Variants in CFAP410 observed in about 807,000 individuals in gnomAD.
CFAP410 encodes the protein cilia- and flagella-associated protein 410.
CFAP410 carries 27 observed loss-of-function variants against 25.7 expected under a neutral mutation model. The ratio of observed to expected loss-of-function variants is 1.05; its 90% CI spans 0.77 to 1.45. The LOEUF is 1.45. CFAP410 is among the 40% of genes most tolerant of loss of function. CFAP410 has a pLI of 0.00. For synonymous variants in CFAP410, 178 were observed against 158.4 expected (o/e 1.12, Z -0.93); for missense variants, 428 against 354.1 (o/e 1.21, Z -1.67).
rs568449502 is a variant in CFAP410 at position 44,336,563 on chromosome 21, C to T, written c.97-759G>A. 1.6e-4 allele frequency among the ~76,000 whole-genome samples: 24 copies of T among 152,252 alleles called. No homozygotes were observed. In the South Asian group the frequency reaches 3.1e-3, roughly 20 times the overall value. On this transcript the variant is annotated intron_variant, in intron 2 of 6. Coordinates refer to ENST00000339818, the MANE Select transcript of CFAP410 (RefSeq NM_004928.3). ...GCAAAGCTCCCACATATGTGAGAGC[C>T]CACCATACGCCAGGCATGGCACCAG...
chr21:44,334,284 C>T (rs1242413368), intron 3 of CFAP410: 2 of 456,066 alleles, frequency 4.4e-6, no homozygotes, highest in African/African-American at 2.0e-5. Flanking sequence ...CGGCCTGATG[C>T]TCGGAGGCCC....
chr21:44,337,150 C>G (rs912198701), intron 2 of CFAP410, among the ~76,000 whole-genome samples: 1 of 151,518 alleles, frequency 6.6e-6, no homozygotes, highest in Non-Finnish European at 1.5e-5. Context: ...ACATTTTGGA[C>G]TGAGAAAGAC....
intron 2 of CFAP410, 110 bp downstream of exon 2, chr21:44,337,539 G>A (rs1341308377): frequency 2.2e-6 from 2 of 894,374 alleles, no homozygotes; most frequent in Non-Finnish European, 3.6e-6. Flanking sequence ...GAATTGATAG[G>A]TGCAGTTTTG....
chr21:44,334,522 C>CCCTCAACCTCTGGGCGGGCACGTGCA, intron 3 of CFAP410: 1 of 190,854 alleles, frequency 5.2e-6, no homozygotes, highest in Non-Finnish European at 9.8e-6. Context: ...CGCGCACCCC[C>CCCTCAACCTCTGGGCGGGCACGTGCA]CCCCCCCCCC....
At chr21:44,337,509 A>G (rs764033863) in intron 2 of CFAP410, 140 bp downstream of exon 2, 5 of 664,924 alleles carry the variant, frequency 7.5e-6, no homozygotes, top group Non-Finnish European at 1.3e-5. Flanking sequence ...CTAAGTGAAC[A>G]AAGTACCAAG....
Position 44,339,136 on chromosome 21 carries a change from A to G in CFAP410, c.59T>C (p.Val20Ala). ...GCCTCACCAGCAGTTGAGCTTGCGC[A>G]CGCTGTGCAGCTCCGAGGCCTTGGC... ...TRAKASELHS[V>A]RKLNCWGSRL... is the part of the protein sequence containing the mutation. The change falls in exon 1 of 7, where the codon GTG (valine) becomes GCG (alanine). Residue 20 changes from valine (V) to alanine (A), a missense_variant. Val to Ala is a moderately conservative substitution (Grantham distance 64). Transcript: ENST00000339818. 1 of 1,462,842 alleles carries G rather than the reference A, an allele frequency of 6.8e-7. No homozygotes were observed. The highest frequency in any genetic ancestry group is 9.1e-7 in the Non-Finnish European group (1 of 1,102,316). The allele number at this position is 1,462,842 out of a possible 1,614,324, so 90.6% of individuals were successfully genotyped here. A position where few individuals can be genotyped will look rare whatever the true frequency, so the allele number is the denominator to read the frequency against.
chr21:44,334,395 C>A (rs2047709169), intron 3 of CFAP410: 1 of 406,766 alleles, frequency 2.5e-6, no homozygotes. Context: ...TCCACGTTTC[C>A]CTGTCAGGTA....
chr21:44,330,533 C>A, intron 6 of CFAP410: 1 of 1,548,650 alleles, frequency 6.5e-7, no homozygotes, highest in South Asian at 1.2e-5. Context: ...TTCCACGTGA[C>A]TCCTGTTGCC....
chr21:44,332,008 G>A lies in CFAP410; in HGVS notation c.380C>T (p.Thr127Met), dbSNP rs777397625. The stretch of plus-strand genomic sequence containing the variant: ...CAGTGCACGGGACAGCTCCTCCTCC[G>A]TCACAGCTTTGGGATGAAAGACAGA... ...RLQKLDNQAV[T>M]EEELSRALSE... is the part of the protein sequence containing the mutation. The change falls in exon 5 of 7, where the codon ACG becomes ATG. Residue 127 changes from threonine (T) to methionine (M), a missense_variant. Physicochemically the swap from Thr to Met is moderately conservative, Grantham distance 81. Coordinates refer to ENST00000339818, the MANE Select transcript of CFAP410 (RefSeq NM_004928.3). 3.4e-5 allele frequency: 55 copies of A among 1,598,782 alleles called. No individual in the cohort carries two copies. The highest frequency in any genetic ancestry group is 1.2e-4 in the Admixed American group (7 of 57,622).
intron 3 of CFAP410, 37 bp downstream of exon 3, chr21:44,335,721 A>T: frequency 6.5e-7 from 1 of 1,549,278 alleles, no homozygotes; most frequent in Non-Finnish European, 8.8e-7. Context: ...CCCGGCTTCC[A>T]GGCCCCAGGC....
In CFAP410 at chr21:44,335,958, C is replaced by T. The variant is rs1384621583; in HGVS notation, c.97-154G>A. 5 of 623,052 alleles carry T rather than the reference C, an allele frequency of 8.0e-6. No individual in the cohort carries two copies. In the Admixed American group the frequency reaches 1.3e-4, roughly 16 times the overall value. The allele number at this position is 623,052 out of a possible 1,614,324, so 38.6% of individuals were successfully genotyped here. On this transcript the variant is annotated intron_variant, in intron 2 of 6. Coordinates refer to ENST00000339818, the MANE Select transcript of CFAP410 (RefSeq NM_004928.3). ...TCAGCCAGTGTGCCCAGGGTGAATG[C>T]CCAGGGCCTGAGGGGAGCGGCCCTG... is the stretch of plus-strand genomic sequence containing the variant.
chr21:44,334,417 G>A (rs1299530761), intron 3 of CFAP410: 2 of 383,196 alleles, frequency 5.2e-6, no homozygotes, highest in African/African-American at 4.2e-5. Flanking sequence ...GCCTTTCGGA[G>A]GCAGGCCTGA....
chr21:44,330,543 C>G (rs1251760462), intron 6 of CFAP410: 2 of 1,549,010 alleles, frequency 1.3e-6, no homozygotes, highest in South Asian at 2.4e-5. Context: ...CTCCTGTTGC[C>G]CTCAGCCCAG....
chr21:44,338,657 G>C (rs1221721942), intron 1 of CFAP410: 1 of 150,542 alleles, frequency 6.6e-6, no homozygotes, highest in East Asian at 2.0e-4. Context: ...AGGCGGGCCG[G>C]GAAATGGGGG....
chr21:44,331,768 C>T lies in CFAP410; in HGVS notation c.545+75G>A, dbSNP rs906734290. 3.4e-5 allele frequency: 48 copies of T among 1,410,052 alleles called. No individual in the cohort carries two copies. In the South Asian group the frequency reaches 5.2e-4, roughly 15 times the overall value. 87.3% of individuals were successfully genotyped at this position (1,410,052 alleles called of 1,614,324 possible). On this transcript the variant is annotated intron_variant, in intron 5 of 6. Transcript: ENST00000339818. ...TCCCAGAGACGCAGCTCACGGGAAGCCCCATTCACTCCCCGTGGGAGGACC... is the reference window on the plus strand; with the variant it reads ...TCCCAGAGACGCAGCTCACGGGAAGTCCCATTCACTCCCCGTGGGAGGACC...
At chr21:44,336,436 T>A (rs2047757517) in intron 2 of CFAP410, among the ~76,000 whole-genome samples, 1 of 152,132 alleles carries the variant, frequency 6.6e-6, no homozygotes, top group South Asian at 2.1e-4. Context: ...ATAACAGGTC[T>A]AGGCCAAAAG....
chr21:44,336,024 G>A (rs1602086835), intron 2 of CFAP410, among the ~76,000 whole-genome samples: 1 of 88,624 alleles, frequency 1.1e-5, no homozygotes, highest in Non-Finnish European at 2.4e-5. Flanking sequence ...GGGCCTGAGG[G>A]GAGCGGCCCT....
intron 4 of CFAP410, chr21:44,332,322 T>C: frequency 6.2e-6 from 2 of 325,174 alleles, no homozygotes; most frequent in Non-Finnish European, 1.1e-5. Flanking sequence ...ACAGACCATA[T>C]TGAATTTATT....
At chr21:44,331,444 C>T (rs558451821) in intron 5 of CFAP410, 9 of 260,266 alleles carry the variant, frequency 3.5e-5, no homozygotes, top group African/African-American at 6.8e-5. Context: ...GGCCCCTCCA[C>T]GGCCCCCAGG....
Sources: gnomAD v4.1 joint callset for allele counts (sites outside exome capture counted in the v4.1 genomes callset) on GRCh38, gnomAD v4.1.1 for gene constraint, MANE v1.5 for transcripts, NCBI Gene and HGNC (gene_info 2026-07-23, HGNC 2026-07-21) for gene names.